The following NOL4 variants were observed in gnomAD, a reference collection of about 807,000 sequenced individuals.
NOL4 encodes the protein cancer/testis antigen 125.
In NOL4, 17 loss-of-function variants were observed where a neutral mutation model predicts 75.9. The observed-to-expected ratio is 0.22, with a 90% CI of 0.15 to 0.34. The LOEUF (loss-of-function observed/expected upper bound fraction) is 0.34, where lower values mean the gene tolerates loss of function less well. NOL4 is among the 10% of genes least tolerant of loss of function. The probability of loss-of-function intolerance (pLI) is 1.00; values close to 1 mark genes in which losing one functional copy is unlikely to be tolerated. For missense variants in NOL4, 614 were observed against 793.5 expected (o/e 0.77, Z 2.72); for synonymous variants, 292 against 289.9 (o/e 1.01, Z -0.07).
At position 33,852,859 on chromosome 18, in the gene NOL4, T is replaced by C; in HGVS notation, c.1900A>G (p.Ile634Val). The C allele has an allele frequency of 6.2e-7, 1 of 1,612,456 alleles. No homozygotes were observed. The highest frequency in any genetic ancestry group is 8.5e-7 in the Non-Finnish European group (1 of 1,179,110). Residue 634 changes from isoleucine to valine, a missense_variant, in exon 11 of 11, where the codon ATT becomes GTT. Physicochemically the swap from Ile to Val is conservative, Grantham distance 29. This residue lies in a region of NOL4 where 128 missense variants were observed against 159.9 expected (regional missense o/e 0.80). Transcript: ENST00000261592. ...CGTCTGTCTCAGTTCTGTTGTAAAA[T>C]GAGATTTTCCAGTTCATCTGCAGAT... ...LRSADELENLILQQN is the reference protein window; with the variant it reads ...LRSADELENLVLQQN
intron 9 of NOL4, among the ~76,000 whole-genome samples, chr18:33,888,567 C>A (rs981681510): frequency 6.6e-6 from 1 of 152,094 alleles, no homozygotes; most frequent in Non-Finnish European, 1.5e-5. Flanking sequence ...ACATTTAAGT[C>A]TTTAATTTTC....
chr18:34,000,680 C>A (rs2073631829), intron 6 of NOL4, among the ~76,000 whole-genome samples: 1 of 151,938 alleles, frequency 6.6e-6, no homozygotes, highest in South Asian at 2.1e-4. Flanking sequence ...TCAAAGAATC[C>A]CAAAAGGTTA....
At chr18:33,917,187 C>T (rs943848840) in intron 9 of NOL4, among the ~76,000 whole-genome samples, 1 of 152,036 alleles carries the variant, frequency 6.6e-6, no homozygotes, top group East Asian at 1.9e-4. Flanking sequence ...TTTGTGAGGT[C>T]TTGCAAAAGA....
At chr18:33,872,463 A>G (rs1200355406) in intron 10 of NOL4, among the ~76,000 whole-genome samples, 2 of 152,060 alleles carry the variant, frequency 1.3e-5, no homozygotes, top group African/African-American at 4.8e-5. Flanking sequence ...GACCCCATTT[A>G]TCTCATTGAG....
rs184265052 is a variant in NOL4 at position 34,005,290 on chromosome 18, T to C, written c.1056+14028A>G. 3.3e-5 allele frequency among the ~76,000 whole-genome samples: 5 copies of C among 152,190 alleles called. No individual in the cohort carries two copies. The East Asian group carries it at 7.8e-4, about 24-fold the overall frequency. ...TCTCTGCATCCTTCAAAATGATCCA[T>C]TGCCATCTTTTCGTGTACTTTGGGA... is the stretch of plus-strand genomic sequence containing the variant. On this transcript the variant is annotated intron_variant, in intron 6 of 10. Transcript: ENST00000261592.
chr18:34,141,338 A>G (rs1336718866), intron 1 of NOL4, among the ~76,000 whole-genome samples: 1 of 152,138 alleles, frequency 6.6e-6, no homozygotes, highest in Non-Finnish European at 1.5e-5. Context: ...AACTACTTTA[A>G]AGTTCATATG....
At chr18:34,159,617 C>T (rs1273559319) in intron 1 of NOL4, among the ~76,000 whole-genome samples, 2 of 152,132 alleles carry the variant, frequency 1.3e-5, no homozygotes, top group Non-Finnish European at 2.9e-5. Context: ...ATCCATCCCG[C>T]CTCGCCGGAG....
chr18:33,881,360 C>G (rs1477587069), intron 10 of NOL4, among the ~76,000 whole-genome samples: 1 of 148,344 alleles, frequency 6.7e-6, no homozygotes, highest in African/African-American at 2.5e-5. Context: ...CCTTTATTTC[C>G]TTCTCCTGCC....
chr18:33,896,356 A>G (rs2065408727), intron 9 of NOL4, among the ~76,000 whole-genome samples: 1 of 152,128 alleles, frequency 6.6e-6, no homozygotes, highest in South Asian at 2.1e-4. Flanking sequence ...ACAAAGCTGG[A>G]GGCATCAGAT....
At chr18:34,091,992 AAAC>A (rs2078543843) in intron 5 of NOL4, among the ~76,000 whole-genome samples, 1 of 152,178 alleles carries the variant, frequency 6.6e-6, no homozygotes, top group South Asian at 2.1e-4. Flanking sequence ...TCAGTCAAGT[AAAC>A]AATGAATTTG....
At chr18:34,187,352 TG>T (rs2034542781) in intron 1 of NOL4, among the ~76,000 whole-genome samples, 1 of 151,196 alleles carries the variant, frequency 6.6e-6, no homozygotes, top group Non-Finnish European at 1.5e-5. Flanking sequence ...TGTCTTTTCA[TG>T]GTTTAATAGT....
chr18:33,938,583 T>G (rs1438398560), intron 9 of NOL4, among the ~76,000 whole-genome samples: 3 of 152,196 alleles, frequency 2.0e-5, no homozygotes, highest in African/African-American at 4.8e-5. Flanking sequence ...TGTCTTCTTT[T>G]GAGAAGCGTC....
At chr18:34,019,295 T>C (rs10502615) in intron 6 of NOL4, 23 bp downstream of exon 6, 206,103 of 1,598,452 alleles carry the variant, frequency 0.13, 14,803 homozygotes, top group Non-Finnish European at 0.15. Context: ...TCAAAAATTC[T>C]GGAAATTGTA....
At chr18:33,866,525 T>G (rs1196349654) in intron 10 of NOL4, among the ~76,000 whole-genome samples, 1 of 152,152 alleles carries the variant, frequency 6.6e-6, no homozygotes, top group African/African-American at 2.4e-5. Flanking sequence ...TTCCTCTACT[T>G]GCATTTGCTA....
intron 5 of NOL4, among the ~76,000 whole-genome samples, chr18:34,080,968 G>A (rs1424969464): frequency 1.3e-5 from 2 of 152,020 alleles, no homozygotes; most frequent in African/African-American, 4.8e-5. Flanking sequence ...AGTCTATCTG[G>A]AACTTATTTA....
At chr18:34,111,508 G>GCATCATCTA (rs765079441) in intron 2 of NOL4, among the ~76,000 whole-genome samples, 1 of 152,046 alleles carries the variant, frequency 6.6e-6, no homozygotes, top group Non-Finnish European at 1.5e-5. Flanking sequence ...AAGAAAGAAA[G>GCATCATCTA]CATCATCTAC....
intron 10 of NOL4, among the ~76,000 whole-genome samples, chr18:33,864,424 T>C (rs2063331020): frequency 6.6e-6 from 1 of 152,150 alleles, no homozygotes; most frequent in African/African-American, 2.4e-5. Flanking sequence ...CAGTGGCAAA[T>C]TGCCACCAGC....
chr18:33,916,479 T>G (rs966806333), intron 9 of NOL4, among the ~76,000 whole-genome samples: 1 of 152,092 alleles, frequency 6.6e-6, no homozygotes, highest in Non-Finnish European at 1.5e-5. Flanking sequence ...GTGGCTAGGA[T>G]AGGTTGAAGG....
chr18:34,222,231 C>G (rs1162928984), intron 1 of NOL4: 1 of 1,405,402 alleles, frequency 7.1e-7, no homozygotes, highest in Non-Finnish European at 9.2e-7. Flanking sequence ...AGAGCCACCC[C>G]AGAAAAAGGA....
Sources: allele counts gnomAD v4.1 joint callset (sites outside exome capture counted in the v4.1 genomes callset), GRCh38; gene constraint gnomAD v4.1.1; regional missense constraint gnomAD v4.1.1; transcripts MANE v1.5; gene names NCBI Gene and HGNC (gene_info 2026-07-23, HGNC 2026-07-21).